The following CLSTN2 variants were observed in gnomAD, a reference collection of about 807,000 sequenced individuals.
The protein encoded by CLSTN2 is calsyntenin 2.
A neutral mutation model predicts 101.2 loss-of-function variants in CLSTN2; 48 were observed. The ratio of observed to expected loss-of-function variants is 0.47; its 90% confidence interval spans 0.38 to 0.60. The LOEUF is 0.60. Ranked by LOEUF, CLSTN2 falls within the 20% of genes least tolerant of loss-of-function variation. The pLI is 0.00. For synonymous variants in CLSTN2, 481 were observed against 463.6 expected, an observed-to-expected ratio of 1.04 and a Z score of -0.48; for missense variants, 1,160 against 1,238.2, an observed-to-expected ratio of 0.94 and a Z score of 0.95.
intron 2 of CLSTN2, among the ~76,000 whole-genome samples, chr3:140,188,803 G>A (rs1411488288): frequency 6.6e-6 from 1 of 152,110 alleles, no homozygotes; most frequent in African/African-American, 2.4e-5. Context: ...GTTTCCCCCA[G>A]TGATAACATC....
intron 2 of CLSTN2, among the ~76,000 whole-genome samples, chr3:140,392,268 C>T (rs2088123467): frequency 1.3e-5 from 2 of 149,872 alleles, no homozygotes; most frequent in Non-Finnish European, 3.0e-5. Flanking sequence ...TTGTTTAACC[C>T]CAAAATATCC....
intron 4 of CLSTN2, 39 bp downstream of exon 4, chr3:140,404,805 C>G (rs769158380): frequency 1.3e-6 from 2 of 1,550,540 alleles, no homozygotes; most frequent in South Asian, 2.2e-5. Context: ...GTCAGGAAAA[C>G]AAATCCATCG....
At chr3:140,098,835 C>T (rs1475576652) in intron 1 of CLSTN2, among the ~76,000 whole-genome samples, 1 of 152,198 alleles carries the variant, frequency 6.6e-6, no homozygotes, top group East Asian at 1.9e-4. Context: ...AGTCTGAATG[C>T]TTCCCTAGGA....
At chr3:140,182,284 G>A (rs1380195965) in intron 2 of CLSTN2, among the ~76,000 whole-genome samples, 2 of 152,110 alleles carry the variant, frequency 1.3e-5, no homozygotes, top group Admixed American at 6.6e-5. Flanking sequence ...ATGCACTAGA[G>A]TTTTTAAAAA....
chr3:140,025,152 CA>C (rs1440514124), intron 1 of CLSTN2, among the ~76,000 whole-genome samples: 1 of 152,150 alleles, frequency 6.6e-6, no homozygotes, highest in African/African-American at 2.4e-5. Context: ...GTAAGAACTT[CA>C]AAAGTGACCC....
At chr3:139,955,411 G>T (rs1298106231) in intron 1 of CLSTN2, among the ~76,000 whole-genome samples, 2 of 151,988 alleles carry the variant, frequency 1.3e-5, no homozygotes, top group African/African-American at 4.8e-5. Context: ...CTGGTGTTTA[G>T]GTTATCCATT....
At chr3:140,374,073 C>A (rs1406574022) in intron 2 of CLSTN2, among the ~76,000 whole-genome samples, 1 of 152,222 alleles carries the variant, frequency 6.6e-6, no homozygotes, top group Non-Finnish European at 1.5e-5. Flanking sequence ...TGTTCCCCTG[C>A]AGAAAGGACC....
At chr3:140,242,470 C>G (rs749731255) in intron 2 of CLSTN2, among the ~76,000 whole-genome samples, 1 of 152,118 alleles carries the variant, frequency 6.6e-6, no homozygotes, top group Non-Finnish European at 1.5e-5. Context: ...CATATTGGAG[C>G]CCTGGTGTGC....
intron 1 of CLSTN2, among the ~76,000 whole-genome samples, chr3:140,103,626 T>G (rs2009004447): frequency 1.3e-5 from 2 of 152,184 alleles, no homozygotes; most frequent in Admixed American, 6.5e-5. Context: ...TATATCAGAT[T>G]AAGTCTACAC....
At chr3:140,229,671 G>T (rs1335359925) in intron 2 of CLSTN2, among the ~76,000 whole-genome samples, 1 of 151,972 alleles carries the variant, frequency 6.6e-6, no homozygotes, top group Non-Finnish European at 1.5e-5. Flanking sequence ...AAGCTGCTCT[G>T]CTCACTCTGA....
At chr3:140,277,856 T>C (rs549374342) in intron 2 of CLSTN2, among the ~76,000 whole-genome samples, 1 of 152,360 alleles carries the variant, frequency 6.6e-6, no homozygotes, top group Admixed American at 6.5e-5. Flanking sequence ...TGTTCTGTGA[T>C]GCTTTATTCC....
At chr3:140,352,333 A>C (rs2087617551) in intron 2 of CLSTN2, among the ~76,000 whole-genome samples, 1 of 152,210 alleles carries the variant, frequency 6.6e-6, no homozygotes, top group Admixed American at 6.5e-5. Context: ...GGAAGTCCCT[A>C]TTGCTCAGTT....
chr3:140,073,516 T>C (rs1271981875), intron 1 of CLSTN2, among the ~76,000 whole-genome samples: 1 of 152,150 alleles, frequency 6.6e-6, no homozygotes, highest in East Asian at 1.9e-4. Flanking sequence ...GCCACACACA[T>C]TCCTTTGCCA....
At chr3:140,500,477 G>C (rs1934555614) in intron 8 of CLSTN2, among the ~76,000 whole-genome samples, 1 of 152,180 alleles carries the variant, frequency 6.6e-6, no homozygotes, top group Non-Finnish European at 1.5e-5. Context: ...GTAAAACAAG[G>C]ATTATACTAA....
At chr3:140,321,765 G>A (rs1375136105) in intron 2 of CLSTN2, among the ~76,000 whole-genome samples, 1 of 152,100 alleles carries the variant, frequency 6.6e-6, no homozygotes, top group Non-Finnish European at 1.5e-5. Context: ...TTATCAGATT[G>A]TCCTCTCTGA....
chr3:140,338,264 A>C (rs761891958), intron 2 of CLSTN2, among the ~76,000 whole-genome samples: 1 of 151,970 alleles, frequency 6.6e-6, no homozygotes, highest in African/African-American at 2.4e-5. Flanking sequence ...CTCCATCTGC[A>C]TCCACTCCAC....
At chr3:140,242,588 G>T (rs1159861565) in intron 2 of CLSTN2, among the ~76,000 whole-genome samples, 1 of 152,074 alleles carries the variant, frequency 6.6e-6, no homozygotes, top group African/African-American at 2.4e-5. Flanking sequence ...TTTTCCACTT[G>T]GTTGGGAACT....
intron 8 of CLSTN2, among the ~76,000 whole-genome samples, chr3:140,501,766 C>T (rs928734894): frequency 1.3e-5 from 2 of 152,280 alleles, no homozygotes; most frequent in East Asian, 1.9e-4. Flanking sequence ...AGTGATAGTA[C>T]TGCTTAGTGG....
intron 2 of CLSTN2, among the ~76,000 whole-genome samples, chr3:140,198,389 G>A (rs558398955): frequency 2.5e-4 from 38 of 152,284 alleles, no homozygotes; most frequent in African/African-American, 8.7e-4. Flanking sequence ...TGGGCACAGC[G>A]TGACTGGGCC....
Sources: gnomAD v4.1 joint callset for allele counts (sites outside exome capture counted in the v4.1 genomes callset) on GRCh38, gnomAD v4.1.1 for gene constraint, MANE v1.5 for transcripts, NCBI Gene and HGNC (gene_info 2026-07-23, HGNC 2026-07-21) for gene names.